MXD3: variants seen among roughly 807,000 people sequenced by gnomAD.
The protein encoded by MXD3 is Max-associated protein 3.
In MXD3, 20 loss-of-function variants were observed where a neutral mutation model predicts 27.5. That is an observed-to-expected ratio of 0.73 (90% CI 0.51 to 1.06). The LOEUF is 1.06. Among genes scored for constraint, MXD3 ranks in the 50% least tolerant of loss-of-function variants. The pLI is 0.00. For missense variants in MXD3, 298 were observed against 291.3 expected (o/e 1.02, Z -0.17); for synonymous variants, 150 against 130.7 (o/e 1.15, Z -1.01).
At position 177,307,875 on chromosome 5, in the gene MXD3, GAGCTGCTCC is replaced by G; in HGVS notation, c.402_410del (p.Glu135_Leu137del). On this transcript the variant is annotated inframe_deletion, in exon 5 of 6. Coordinates refer to ENST00000439742, the MANE Select transcript of MXD3 (RefSeq NM_031300.4). Reference sequence around the variant, plus strand: ...GCTCGGCCGCCCCTGCCAGCCCCCGGAGCTGCTCCAGCTGCCGCTGCAGGCTCTGCTGCT... The same window carrying G: ...GCTCGGCCGCCCCTGCCAGCCCCCGGAGCTGCCGCTGCAGGCTCTGCTGCT... 1 of 1,608,030 alleles carries G rather than the reference GAGCTGCTCC, an allele frequency of 6.2e-7. No individual in the cohort carries two copies. Among genetic ancestry groups the G allele is most frequent in the East Asian group, 2.2e-5 (1 of 44,754 alleles).
chr5:177,311,634 G>A, intron 1 of MXD3, 127 bp downstream of exon 1: 1 of 1,195,376 alleles, frequency 8.4e-7, no homozygotes, highest in African/African-American at 1.6e-5. Flanking sequence ...CTCCTCTCGA[G>A]TTGAGGGCGA....
At position 177,307,841 on chromosome 5, in the gene MXD3, G is replaced by GCCGCTC. The variant is rs765098481; in HGVS notation, c.439_444dup (p.Glu147_Arg148dup). ...GAGGAGTCCAGACTGTCCGCCCGCAGCCGCTCCCGCTCGGCCGCCCCTGCC... is the reference window on the plus strand; with the variant it reads ...GAGGAGTCCAGACTGTCCGCCCGCAGCCGCTCCCGCTCCCGCTCGGCCGCCCCTGCC... On this transcript the variant is annotated inframe_insertion, in exon 5 of 6. Transcript: ENST00000439742. The GCCGCTC allele has an allele frequency of 6.2e-7, 1 of 1,611,192 alleles. No individual in the cohort carries two copies. The highest frequency in any genetic ancestry group is 8.5e-7 in the Non-Finnish European group (1 of 1,179,224).
At chr5:177,309,474 C>T (rs1032894825) in intron 4 of MXD3, among the ~76,000 whole-genome samples, 2 of 152,170 alleles carry the variant, frequency 1.3e-5, no homozygotes, top group Non-Finnish European at 2.9e-5. Context: ...AGGCAAGCTC[C>T]GTGTGAGAAA....
At chr5:177,311,352 C>A (rs1388941140) in intron 2 of MXD3, 27 bp downstream of exon 2, 9 of 1,403,634 alleles carry the variant, frequency 6.4e-6, no homozygotes, top group African/African-American at 1.5e-5. Context: ...CCCCCACCCC[C>A]ACTCCCGCCG....
intron 4 of MXD3, among the ~76,000 whole-genome samples, chr5:177,309,928 G>A (rs763246294): frequency 4.6e-5 from 7 of 152,222 alleles, no homozygotes; most frequent in African/African-American, 1.2e-4. Context: ...AGTGACTGGC[G>A]TCTTCTCAGT....
At chr5:177,311,968 A>C (rs1486099046), upstream of MXD3, 3 of 1,325,152 alleles carry the variant, frequency 2.3e-6, no homozygotes, top group East Asian at 1.0e-4. Flanking sequence ...GCCCGCGGGA[A>C]CGCCCAGCCC....
At chr5:177,310,405 G>A (rs765498766) in intron 4 of MXD3, 21 bp downstream of exon 4, 30 of 1,595,298 alleles carry the variant, frequency 1.9e-5, no homozygotes, top group East Asian at 6.7e-5. Flanking sequence ...AAGCCAGTCC[G>A]GGCGCAGTGG....
At chr5:177,311,635 T>G in intron 1 of MXD3, 126 bp downstream of exon 1, 1 of 1,187,224 alleles carries the variant, frequency 8.4e-7, no homozygotes, top group South Asian at 1.6e-5. Context: ...TCCTCTCGAG[T>G]TGAGGGCGAG....
chr5:177,311,631 C>A (rs923296710), intron 1 of MXD3, 130 bp downstream of exon 1: 1 of 1,179,846 alleles, frequency 8.5e-7, no homozygotes, highest in Non-Finnish European at 1.2e-6. Flanking sequence ...GGACTCCTCT[C>A]GAGTTGAGGG....
chr5:177,311,262 G>C (rs901982477), intron 2 of MXD3, 117 bp downstream of exon 2: 3 of 608,256 alleles, frequency 4.9e-6, no homozygotes, highest in African/African-American at 3.9e-5. Flanking sequence ...GGGTCTGAAC[G>C]CTTCCTGGAG....
chr5:177,309,805 A>T (rs1411900058), intron 4 of MXD3, among the ~76,000 whole-genome samples: 1 of 152,222 alleles, frequency 6.6e-6, no homozygotes, highest in Non-Finnish European at 1.5e-5. Context: ...GTGGTTTCCA[A>T]GGCCACTTCT....
intron 2 of MXD3, 45 bp downstream of exon 2, chr5:177,311,334 G>T (rs781333312): frequency 1.5e-6 from 2 of 1,301,368 alleles, no homozygotes; most frequent in South Asian, 3.3e-5. Flanking sequence ...GACCAGGGGC[G>T]GCGCCCACCC....
intron 4 of MXD3, among the ~76,000 whole-genome samples, chr5:177,309,542 C>T (rs969480655): frequency 5.9e-5 from 9 of 152,220 alleles, no homozygotes; most frequent in Non-Finnish European, 1.3e-4. Context: ...TAACAGACGC[C>T]GGGCGGCAGT....
chr5:177,307,422 G>A lies in MXD3; in HGVS notation c.*166C>T, dbSNP rs1403424614. ...CCTTCCCTTCCAGAGGGCCTGCCTG[G>A]CAGCCAGCAGCAGGGTGTTTGGGGA... On this transcript the variant is annotated 3_prime_UTR_variant, in exon 6 of 6. Coordinates refer to ENST00000439742, the MANE Select transcript of MXD3 (RefSeq NM_031300.4). 1 of 1,500,004 alleles carries A rather than the reference G, an allele frequency of 6.7e-7. No homozygotes were observed. The highest frequency in any genetic ancestry group is 9.0e-7 in the Non-Finnish European group (1 of 1,110,220). The allele number at this position is 1,500,004 out of a possible 1,614,324, so 92.9% of individuals were successfully genotyped here.
rs1381500113 is a variant in MXD3 at position 177,307,723 on chromosome 5, G to A, written c.506-20C>T. 2.5e-6 allele frequency: 4 copies of A among 1,613,594 alleles called. No homozygotes were observed. In the African/African-American group the frequency reaches 4.0e-5, roughly 16 times the overall value. On this transcript the variant is annotated intron_variant, in intron 5 of 5. Coordinates refer to ENST00000439742, the MANE Select transcript of MXD3 (RefSeq NM_031300.4). Reference sequence around the variant, plus strand: ...GCTCCTCTGCGCGGGGAGGGGTCCGGTCAGAAGACCTGGCTCGCCCCGAGG... The same window carrying A: ...GCTCCTCTGCGCGGGGAGGGGTCCGATCAGAAGACCTGGCTCGCCCCGAGG...
At chr5:177,306,032 C>T (rs370532722), downstream of MXD3, 34 of 1,600,822 alleles carry the variant, frequency 2.1e-5, no homozygotes, top group African/African-American at 2.0e-4. Context: ...CCAGTGCTTT[C>T]GGTGTTGGGG....
chr5:177,312,531 GA>G, upstream of MXD3: 4 of 985,440 alleles, frequency 4.1e-6, no homozygotes, highest in Non-Finnish European at 4.8e-6. Context: ...GGCGCCGGCG[GA>G]GGGGCGGCGG....
upstream of MXD3, chr5:177,311,940 C>T: frequency 1.6e-6 from 2 of 1,261,756 alleles, no homozygotes; most frequent in East Asian, 6.4e-5. Context: ...GGGGCCCGCC[C>T]CGCCCCCGGG....
chr5:177,306,694 G>A (rs1760887392), downstream of MXD3: 7 of 1,399,618 alleles, frequency 5.0e-6, no homozygotes, highest in Non-Finnish European at 6.7e-6. Context: ...TGGGTTGTGG[G>A]GATGCAGTTT....
Sources: gnomAD v4.1 joint callset for allele counts (sites outside exome capture counted in the v4.1 genomes callset) on GRCh38, gnomAD v4.1.1 for gene constraint, MANE v1.5 for transcripts, NCBI Gene and HGNC (gene_info 2026-07-23, HGNC 2026-07-21) for gene names.